LEMD1: variants seen among roughly 807,000 people sequenced by gnomAD.
The protein encoded by LEMD1 is LEM domain containing 1.
LEMD1 carries 18 observed loss-of-function variants against 17.4 expected under a neutral mutation model. That is an observed-to-expected ratio of 1.04 (90% CI 0.72 to 1.54). The LOEUF (loss-of-function observed/expected upper bound fraction) is 1.54, where lower values mean the gene tolerates loss of function less well. Ranked by LOEUF, LEMD1 falls within the 40% of genes most tolerant of loss-of-function variation. The probability of loss-of-function intolerance (pLI) is 0.00; values close to 1 mark genes in which losing one functional copy is unlikely to be tolerated. For missense variants in LEMD1, 195 were observed against 210.4 expected, an observed-to-expected ratio of 0.93 and a Z score of 0.45; for synonymous variants, 88 against 77.8, an observed-to-expected ratio of 1.13 and a Z score of -0.69.
At chr1:205,404,155 G>A (rs1385555643) in intron 4 of LEMD1, among the ~76,000 whole-genome samples, 1 of 152,154 alleles carries the variant, frequency 6.6e-6, no homozygotes, top group African/African-American at 2.4e-5. Context: ...GTGTGGTGTG[G>A]TGCTGAAAAA....
intron 1 of LEMD1, among the ~76,000 whole-genome samples, chr1:205,443,980 C>T (rs1462062832): frequency 1.3e-5 from 2 of 152,192 alleles, no homozygotes; most frequent in Non-Finnish European, 2.9e-5. Flanking sequence ...GACTTTACCC[C>T]TTCACCCTTG....
At chr1:205,425,479 C>T (rs892642597), upstream of LEMD1, among the ~76,000 whole-genome samples, 3 of 152,096 alleles carry the variant, frequency 2.0e-5, no homozygotes, top group Admixed American at 6.5e-5. Context: ...CCGCAGAGCT[C>T]GTGAGCCAGG....
intron 4 of LEMD1, among the ~76,000 whole-genome samples, chr1:205,390,355 T>TA (rs566363489): frequency 0.026 from 3,593 of 135,794 alleles, 120 homozygotes; most frequent in African/African-American, 0.082. Flanking sequence ...ACTCTCTCTC[T>TA]AAAAAAAAAA....
At chr1:205,399,213 TA>T (rs36083021) in intron 4 of LEMD1, among the ~76,000 whole-genome samples, 3,222 of 142,192 alleles carry the variant, frequency 0.023, 104 homozygotes, top group African/African-American at 0.071. Context: ...AGACTCCATC[TA>T]AAAAAAAAAA....
chr1:205,405,008 T>C (rs1665025562), intron 4 of LEMD1, among the ~76,000 whole-genome samples: 1 of 152,218 alleles, frequency 6.6e-6, no homozygotes. Context: ...ATTCTTTTCT[T>C]TAAGAATGTT....
intron 4 of LEMD1, among the ~76,000 whole-genome samples, chr1:205,391,007 G>A (rs924461317): frequency 2.2e-5 from 3 of 138,686 alleles, no homozygotes; most frequent in East Asian, 1.9e-4. Context: ...TCTCAGCACC[G>A]CACAATATAC....
At chr1:205,404,350 G>A (rs1275842099) in intron 4 of LEMD1, among the ~76,000 whole-genome samples, 1 of 151,830 alleles carries the variant, frequency 6.6e-6, no homozygotes, top group Non-Finnish European at 1.5e-5. Flanking sequence ...TCTCTTTGTA[G>A]GTCACTCAGG....
intron 4 of LEMD1, among the ~76,000 whole-genome samples, chr1:205,405,000 T>C (rs1049487672): frequency 7.2e-5 from 11 of 152,206 alleles, no homozygotes; most frequent in African/African-American, 2.7e-4. Flanking sequence ...GGTTGAAAAT[T>C]CTTTTCTTTA....
At chr1:205,443,919 T>C (rs1666339302) in intron 1 of LEMD1, among the ~76,000 whole-genome samples, 1 of 152,152 alleles carries the variant, frequency 6.6e-6, no homozygotes, top group Non-Finnish European at 1.5e-5. Flanking sequence ...GGCTGTGGTC[T>C]CTGCTCCTCT....
intron 4 of LEMD1, among the ~76,000 whole-genome samples, chr1:205,396,807 C>T (rs1664611305): frequency 2.0e-5 from 3 of 152,080 alleles, no homozygotes; most frequent in Admixed American, 2.0e-4. Flanking sequence ...TTAGTGGTTG[C>T]CATGGGGGAA....
chr1:205,381,475 C>A lies in LEMD1; in HGVS notation c.*183G>T, dbSNP rs927598388. 5 of 622,868 alleles carry A rather than the reference C, an allele frequency of 8.0e-6. No homozygotes were observed. The highest frequency in any genetic ancestry group is 5.7e-5 in the Admixed American group (2 of 35,020). 38.6% of individuals were successfully genotyped at this position (622,868 alleles called of 1,614,324 possible). ...AACCATCATGCTCTTAACACAGGTGCCTGGTTAGGCAGGTTCCTTCCACCT... is the reference window on the plus strand; with the variant it reads ...AACCATCATGCTCTTAACACAGGTGACTGGTTAGGCAGGTTCCTTCCACCT... On this transcript the variant is annotated 3_prime_UTR_variant, in exon 6 of 6. Coordinates refer to ENST00000367153, the MANE Select transcript of LEMD1 (RefSeq NM_001199050.2).
At chr1:205,400,843 T>TCCCCCCCCCCCCCCCCCCC (rs58251224) in intron 4 of LEMD1, among the ~76,000 whole-genome samples, 1 of 79,692 alleles carries the variant, frequency 1.3e-5, no homozygotes, top group South Asian at 7.4e-4. Flanking sequence ...ATGCTATCCC[T>TCCCCCCCCCCCCCCCCCCC]CCCCCCCCCC....
chr1:205,426,376 C>A (rs1666055399), upstream of LEMD1, among the ~76,000 whole-genome samples: 1 of 152,180 alleles, frequency 6.6e-6, no homozygotes, highest in South Asian at 2.1e-4. Context: ...AGAAACCAAC[C>A]AGAAACACTC....
At chr1:205,434,363 T>TAC (rs1666172262) in intron 1 of LEMD1, among the ~76,000 whole-genome samples, 1 of 108,784 alleles carries the variant, frequency 9.2e-6, no homozygotes, top group Non-Finnish European at 1.9e-5. Context: ...ATATATATAT[T>TAC]ATATATATAT....
intron 4 of LEMD1, among the ~76,000 whole-genome samples, chr1:205,388,200 TTC>T (rs1664134165): frequency 7.0e-6 from 1 of 143,084 alleles, no homozygotes; most frequent in South Asian, 2.3e-4. Context: ...TAATCTTTCT[TTC>T]TTTTTTTTTT....
At chr1:205,405,942 G>A (rs1665074526) in intron 4 of LEMD1, among the ~76,000 whole-genome samples, 1 of 152,190 alleles carries the variant, frequency 6.6e-6, no homozygotes, top group Non-Finnish European at 1.5e-5. Flanking sequence ...TCAGCTGCAG[G>A]TCTGTTGGAG....
chr1:205,428,845 C>G (rs1666090526), intron 1 of LEMD1, among the ~76,000 whole-genome samples: 1 of 152,088 alleles, frequency 6.6e-6, no homozygotes, highest in African/African-American at 2.4e-5. Context: ...AATTTGGTGA[C>G]CTATCAAAGG....
At chr1:205,398,128 G>A (rs1025444568) in intron 4 of LEMD1, among the ~76,000 whole-genome samples, 12 of 152,160 alleles carry the variant, frequency 7.9e-5, no homozygotes, top group African/African-American at 2.9e-4. Flanking sequence ...ATGGCATTTA[G>A]CAGCTCCCTT....
rs1382214402 is a variant in LEMD1 at position 205,419,325 on chromosome 1, T to A, written c.110A>T (p.Lys37Met). ...AGGTGAGACCAACAACTGTACTAACTTTTTTTCATACAACTTTCTGGTGGA... is the reference window on the plus strand; with the variant it reads ...AGGTGAGACCAACAACTGTACTAACATTTTTTCATACAACTTTCTGGTGGA... ...LPSTRKLYEKKLVQLLVSPPC... is the reference protein window; with the variant it reads ...LPSTRKLYEKMLVQLLVSPPC... Residue 37 changes from lysine to methionine, a missense_variant, in exon 3 of 6, where the codon AAG becomes ATG. By Grantham distance (95) the Lys-to-Met change is moderately conservative (BLOSUM62 -1). Transcript: ENST00000367153. 6.2e-7 allele frequency: 1 copy of A among 1,613,990 alleles called. No homozygotes were observed. Among genetic ancestry groups the A allele is most frequent in the East Asian group, 2.2e-5 (1 of 44,886 alleles).
Sources: allele counts gnomAD v4.1 joint callset (sites outside exome capture counted in the v4.1 genomes callset), GRCh38; gene constraint gnomAD v4.1.1; transcripts MANE v1.5; gene names NCBI Gene and HGNC (gene_info 2026-07-23, HGNC 2026-07-21).